Variants in ST3GAL3 observed in about 807,000 individuals in gnomAD.
ST3GAL3 encodes ST3 beta-galactoside alpha-2,3-sialyltransferase 3.
Under a neutral mutation model 50.1 loss-of-function variants are expected in ST3GAL3, and 21 were observed. The ratio of observed to expected loss-of-function variants is 0.42; its 90% CI spans 0.30 to 0.60. The LOEUF (loss-of-function observed/expected upper bound fraction) is 0.60. Ranked by LOEUF, ST3GAL3 falls within the 20% of genes least tolerant of loss-of-function variation. ST3GAL3 has a pLI of 0.19. For synonymous variants in ST3GAL3, 183 were observed against 190.0 expected, an observed-to-expected ratio of 0.96 and a Z score of 0.30; for missense variants, 353 against 489.4, an observed-to-expected ratio of 0.72 and a Z score of 2.63.
At chr1:43,808,267 G>T (rs949450161) in intron 3 of ST3GAL3, among the ~76,000 whole-genome samples, 3 of 147,076 alleles carry the variant, frequency 2.0e-5, no homozygotes, top group Admixed American at 1.4e-4. Flanking sequence ...TCACGCCACT[G>T]CACTCCAGCC....
intron 3 of ST3GAL3, chr1:43,801,617 G>A: frequency 4.3e-6 from 1 of 235,184 alleles, no homozygotes; most frequent in Non-Finnish European, 8.7e-6. Flanking sequence ...ATAGGGCATT[G>A]TGAAAACATT....
At chr1:43,925,999 A>C (rs1030516825) in intron 11 of ST3GAL3, among the ~76,000 whole-genome samples, 1 of 152,182 alleles carries the variant, frequency 6.6e-6, no homozygotes. Context: ...CGGCACCTAC[A>C]TCTGTGGTTA....
intron 5 of ST3GAL3, among the ~76,000 whole-genome samples, chr1:43,887,160 T>G (rs2076104661): frequency 1.3e-5 from 2 of 152,200 alleles, no homozygotes; most frequent in Non-Finnish European, 2.9e-5. Flanking sequence ...GAATAGCTGC[T>G]GAGCAAAGTT....
intron 5 of ST3GAL3, chr1:43,851,525 G>A: frequency 6.3e-7 from 1 of 1,595,392 alleles, no homozygotes; most frequent in East Asian, 2.2e-5. Context: ...CAGAGTATTT[G>A]TTATTTAAGC....
At chr1:43,757,013 C>T (rs958472958) in intron 2 of ST3GAL3, among the ~76,000 whole-genome samples, 24 of 152,218 alleles carry the variant, frequency 1.6e-4, no homozygotes, top group Non-Finnish European at 5.9e-5. Flanking sequence ...AAGTGATTCT[C>T]CTGGCTCAGC....
chr1:43,851,746 A>C, intron 5 of ST3GAL3: 1 of 947,720 alleles, frequency 1.1e-6, no homozygotes, highest in Non-Finnish European at 1.7e-6. Context: ...CATGGGTCCG[A>C]AGCTGCCGGA....
At chr1:43,820,379 C>A (rs1228373955) in intron 4 of ST3GAL3, among the ~76,000 whole-genome samples, 1 of 152,166 alleles carries the variant, frequency 6.6e-6, no homozygotes, top group African/African-American at 2.4e-5. Context: ...ATACCCTTCT[C>A]ATCATTGGCT....
chr1:43,914,894 C>A (rs1171190902), intron 9 of ST3GAL3, among the ~76,000 whole-genome samples: 3 of 152,244 alleles, frequency 2.0e-5, no homozygotes, highest in Non-Finnish European at 2.9e-5. Context: ...AGAGGGGCTT[C>A]CCCTCAGCTA....
At chr1:43,797,406 G>A (rs1344759513) in intron 3 of ST3GAL3, among the ~76,000 whole-genome samples, 1 of 152,122 alleles carries the variant, frequency 6.6e-6, no homozygotes, top group African/African-American at 2.4e-5. Flanking sequence ...AGTTCCATAT[G>A]AAATTTTTGA....
chr1:43,905,422 T>C (rs1459172455), intron 9 of ST3GAL3, among the ~76,000 whole-genome samples: 35 of 48,860 alleles, frequency 7.2e-4, no homozygotes, highest in Middle Eastern at 0.02. Context: ...TCCTGCCACT[T>C]TTCCTCCCCC....
intron 5 of ST3GAL3, chr1:43,839,092 C>T (rs2064919235): frequency 6.5e-6 from 1 of 152,918 alleles, no homozygotes; most frequent in Admixed American, 6.5e-5. Flanking sequence ...ACTTGCCTCC[C>T]ATCCCTTAGA....
chr1:43,774,197 G>A (rs1179669082), intron 2 of ST3GAL3, among the ~76,000 whole-genome samples: 1 of 152,170 alleles, frequency 6.6e-6, no homozygotes, highest in East Asian at 1.9e-4. Flanking sequence ...TGACAATATT[G>A]ACTCCTTGTT....
At chr1:43,740,204 A>G (rs752223752) in intron 2 of ST3GAL3, among the ~76,000 whole-genome samples, 41 of 152,072 alleles carry the variant, frequency 2.7e-4, no homozygotes, top group Non-Finnish European at 4.4e-5. Context: ...TCTATTAAAA[A>G]TACAAAAAAT....
intron 2 of ST3GAL3, among the ~76,000 whole-genome samples, chr1:43,782,054 C>T (rs1449433333): frequency 3.3e-5 from 5 of 152,164 alleles, no homozygotes; most frequent in Non-Finnish European, 2.9e-5. Context: ...TCCATTCTCA[C>T]GGAGTTAACT....
chr1:43,829,438 T>G (rs1179365461), intron 4 of ST3GAL3, among the ~76,000 whole-genome samples: 1 of 152,236 alleles, frequency 6.6e-6, no homozygotes, highest in African/African-American at 2.4e-5. Flanking sequence ...TATCCACTGT[T>G]ACCCCTTCAG....
intron 4 of ST3GAL3, among the ~76,000 whole-genome samples, chr1:43,815,514 C>T (rs745777484): frequency 6.6e-6 from 1 of 152,194 alleles, no homozygotes; most frequent in Non-Finnish European, 1.5e-5. Flanking sequence ...AAATTTTCTA[C>T]CTCTGTTACA....
At chr1:43,837,475 G>A (rs889347526) in intron 4 of ST3GAL3, among the ~76,000 whole-genome samples, 7 of 152,224 alleles carry the variant, frequency 4.6e-5, no homozygotes, top group African/African-American at 1.7e-4. Flanking sequence ...GGTTCCCACT[G>A]GATGGATCAT....
intron 2 of ST3GAL3, among the ~76,000 whole-genome samples, chr1:43,785,854 G>A (rs2057256065): frequency 6.6e-6 from 1 of 152,082 alleles, no homozygotes; most frequent in African/African-American, 2.4e-5. Flanking sequence ...GTTGTCAGTG[G>A]CCAGAGGGGA....
At chr1:43,850,192 A>G (rs1033404878) in intron 5 of ST3GAL3, 6 of 264,436 alleles carry the variant, frequency 2.3e-5, no homozygotes, top group East Asian at 8.9e-5. Context: ...AAAGGAAACA[A>G]GTGTCAGTGG....
Sources: allele counts gnomAD v4.1 joint callset (sites outside exome capture counted in the v4.1 genomes callset), GRCh38; gene constraint gnomAD v4.1.1; transcripts MANE v1.5; gene names NCBI Gene and HGNC (gene_info 2026-07-23, HGNC 2026-07-21).